MAGEA11: variants seen among roughly 807,000 people sequenced by gnomAD.
MAGEA11 encodes MAGE family member A11, also known as melanoma-associated antigen 11.
A neutral mutation model predicts 8.4 loss-of-function variants in MAGEA11; 1 was observed. That is an observed-to-expected ratio of 0.12 (90% CI 0.04 to 0.57). The LOEUF is 0.57. Ranked by LOEUF, MAGEA11 falls within the 20% of genes least tolerant of loss-of-function variation. The pLI is 0.91. For missense variants in MAGEA11, 209 were observed against 317.3 expected (o/e 0.66, Z 2.59); for synonymous variants, 127 against 119.3 (o/e 1.06, Z -0.42).
chrX:149,701,688 T>G (rs1313527132), intron 1 of MAGEA11, among the ~76,000 whole-genome samples: 1 of 110,715 alleles, frequency 9.0e-6, no homozygotes, highest in African/African-American at 3.3e-5. Flanking sequence ...TCTAGGGTTT[T>G]TATGGTTTTA....
intron 1 of MAGEA11, among the ~76,000 whole-genome samples, chrX:149,695,312 A>C (rs2090326370): frequency 9.0e-6 from 1 of 111,369 alleles, no homozygotes; most frequent in Non-Finnish European, 1.9e-5. Context: ...CCTTGAGCTC[A>C]TACTGTGGCT....
At chrX:149,691,751 G>T (rs1348735816) in intron 1 of MAGEA11, among the ~76,000 whole-genome samples, 2 of 111,979 alleles carry the variant, frequency 1.8e-5, no homozygotes, top group African/African-American at 6.5e-5. Flanking sequence ...GCAAATTTTA[G>T]TCTCCCTGTC....
At chrX:149,707,086 G>T (rs2090380720), upstream of MAGEA11, among the ~76,000 whole-genome samples, 1 of 112,027 alleles carries the variant, frequency 8.9e-6, no homozygotes, top group Admixed American at 9.4e-5. Context: ...TGGTCCAGGA[G>T]CCAACAATTA....
At chrX:149,705,671 C>T (rs1181869754) in intron 1 of MAGEA11, among the ~76,000 whole-genome samples, 1 of 111,967 alleles carries the variant, frequency 8.9e-6, no homozygotes, top group Non-Finnish European at 1.9e-5. Flanking sequence ...GGCTGACAGG[C>T]CTCACATCAG....
intron 1 of MAGEA11, among the ~76,000 whole-genome samples, chrX:149,700,976 T>C (rs1557360962): frequency 9.2e-6 from 1 of 108,271 alleles, no homozygotes; most frequent in Non-Finnish European, 1.9e-5. Context: ...TGTTGGACAT[T>C]TGGGTTGGTT....
At chrX:149,700,983 G>A in intron 1 of MAGEA11, among the ~76,000 whole-genome samples, 1 of 108,023 alleles carries the variant, frequency 9.3e-6, no homozygotes. Context: ...CATTTGGGTT[G>A]GTTCCAAGTC....
intron 1 of MAGEA11, among the ~76,000 whole-genome samples, chrX:149,712,715 G>C (rs188125232): frequency 8.9e-5 from 10 of 112,058 alleles, no homozygotes; most frequent in African/African-American, 3.2e-4. Context: ...TCTCAGGCTG[G>C]GCCGTCCCCT....
Position 149,717,041 on chromosome X carries a change from T to A in MAGEA11, c.*265T>A, listed in dbSNP as rs183622596. The A allele has an allele frequency of 7.3e-5, 21 of 289,073 alleles. No homozygotes were observed. In the East Asian group the frequency reaches 1.1e-3, roughly 15 times the overall value. The allele number at this position is 289,073 out of a possible 1,213,427, so 23.8% of individuals were successfully genotyped here. A position where few individuals can be genotyped will look rare whatever the true frequency, so the allele number is the denominator to read the frequency against. On this transcript the variant is annotated 3_prime_UTR_variant, in exon 5 of 5. Coordinates refer to ENST00000355220, the MANE Select transcript of MAGEA11 (RefSeq NM_005366.5). ...TAATTTTCAAATATTGTTCCTGTAATAAAAGTTTTAGTTAGCTTCAACATC... is the reference window on the plus strand; with the variant it reads ...TAATTTTCAAATATTGTTCCTGTAAAAAAAGTTTTAGTTAGCTTCAACATC...
At chrX:149,700,303 T>C (rs1314616640) in intron 1 of MAGEA11, among the ~76,000 whole-genome samples, 1 of 112,586 alleles carries the variant, frequency 8.9e-6, no homozygotes, top group Non-Finnish European at 1.9e-5. Context: ...GTCATCAACA[T>C]GTCTCTCTAA....
At chrX:149,688,314 C>A (rs1489330970), upstream of MAGEA11, 2 of 111,679 alleles carry the variant, frequency 1.8e-5, no homozygotes, top group Admixed American at 9.5e-5. Flanking sequence ...TCTTTATGAC[C>A]AGCTCTAAGA....
chrX:149,705,069 C>G (rs2090371128), intron 1 of MAGEA11, among the ~76,000 whole-genome samples: 1 of 112,656 alleles, frequency 8.9e-6, no homozygotes. Context: ...CCCGCTATCC[C>G]TATGTTCAGC....
intron 1 of MAGEA11, among the ~76,000 whole-genome samples, chrX:149,698,204 T>C (rs185111062): frequency 8.9e-5 from 10 of 112,073 alleles, no homozygotes; most frequent in African/African-American, 2.6e-4. Flanking sequence ...TTCACAGAGA[T>C]GTTGGTAGGA....
intron 1 of MAGEA11, among the ~76,000 whole-genome samples, chrX:149,704,986 C>A (rs1408241059): frequency 1.2e-4 from 14 of 112,783 alleles, no homozygotes; most frequent in African/African-American, 4.2e-4. Context: ...GAGTGATGGG[C>A]AACCTTGGCT....
chrX:149,711,434 C>G (rs2090399632), upstream of MAGEA11, among the ~76,000 whole-genome samples: 1 of 111,758 alleles, frequency 8.9e-6, no homozygotes, highest in South Asian at 3.7e-4. Context: ...GGGAGGAGCC[C>G]CCGTAGGAAG....
At chrX:149,690,672 T>C (rs1557360055) in intron 1 of MAGEA11, among the ~76,000 whole-genome samples, 1 of 112,706 alleles carries the variant, frequency 8.9e-6, no homozygotes, top group Non-Finnish European at 1.9e-5. Flanking sequence ...GTTACTTTGC[T>C]ATGAAGACAT....
chrX:149,714,105 G>A, intron 2 of MAGEA11: 1 of 142,372 alleles, frequency 7.0e-6, no homozygotes, highest in Non-Finnish European at 1.4e-5. Context: ...AGGTGTATGT[G>A]TCCCCTTGGT....
Position 149,701,790 on chromosome X carries a change from G to A in MAGEA11, c.10-12691G>A, listed in dbSNP as rs782530908. 2.2e-4 allele frequency among the ~76,000 whole-genome samples: 24 copies of A among 111,485 alleles called. No homozygotes were observed. The South Asian group carries it at 8.1e-3, about 37-fold the overall frequency. On this transcript the variant is annotated intron_variant, in intron 1 of 3. Coordinates refer to the MAGEA11 transcript ENST00000333104. ...AGTTTCAGCCTTCTACATATGGCTA[G>A]CCAGTTTTCCCAGCACCATTTATTA...
chrX:149,706,920 G>T (rs1305987796), intron 1 of MAGEA11, among the ~76,000 whole-genome samples: 1 of 112,700 alleles, frequency 8.9e-6, no homozygotes, highest in Non-Finnish European at 1.9e-5. Flanking sequence ...CAGGGCATCA[G>T]GGAAAGGTCA....
chrX:149,703,591 A>T (rs1475145455), intron 1 of MAGEA11, among the ~76,000 whole-genome samples: 1 of 111,813 alleles, frequency 8.9e-6, no homozygotes, highest in African/African-American at 3.3e-5. Flanking sequence ...GTCCTGGTTC[A>T]ATAGCCCTGG....
Sources: allele counts gnomAD v4.1 joint callset (sites outside exome capture counted in the v4.1 genomes callset), GRCh38; gene constraint gnomAD v4.1.1; transcripts MANE v1.5; gene names NCBI Gene and HGNC (gene_info 2026-07-23, HGNC 2026-07-21).